The following PCDH17 variants were observed in gnomAD, a reference collection of about 807,000 sequenced individuals.
The protein encoded by PCDH17 is protocadherin-17.
A neutral mutation model predicts 67.7 loss-of-function variants in PCDH17; 21 were observed. That is an observed-to-expected ratio of 0.31 (90% CI 0.22 to 0.45). The LOEUF (loss-of-function observed/expected upper bound fraction) is 0.45, where lower values mean the gene tolerates loss of function less well. PCDH17 is among the 20% of genes least tolerant of loss of function. The probability of loss-of-function intolerance (pLI) is 1.00; values close to 1 mark genes in which losing one functional copy is unlikely to be tolerated. For synonymous variants in PCDH17, 701 were observed against 656.7 expected (o/e 1.07, Z -1.03); for missense variants, 1,471 against 1,564.8 (o/e 0.94, Z 1.01).
rs1435856438 is a variant in PCDH17, at chr13:57,727,074, G to GA, written c.*1783dup. ...CAAACTTACTTCCATATGAGGCTAA[G>GA]AAACCTCAAATTTCAGGAATTGGGA... is the stretch of plus-strand genomic sequence containing the variant. On this transcript the variant is annotated 3_prime_UTR_variant, in exon 4 of 4. Transcript: ENST00000377918. 3 of 152,550 alleles carry GA rather than the reference G, an allele frequency of 2.0e-5. No homozygotes were observed. Among genetic ancestry groups the GA allele is most frequent in the African/African-American group, 7.2e-5 (3 of 41,438 alleles). 9.4% of individuals were successfully genotyped at this position (152,550 alleles called of 1,614,324 possible).
At chr13:57,709,439 GTTTTCATCTCATCTAAACT>G (rs1955754500) in intron 3 of PCDH17, among the ~76,000 whole-genome samples, 1 of 151,516 alleles carries the variant, frequency 6.6e-6, no homozygotes, top group South Asian at 2.1e-4. Context: ...ACTTTGCACT[GTTTTCATCTCATCTAAACT>G]TAAATACCCC....
At chr13:57,717,536 G>A (rs1955829645) in intron 3 of PCDH17, among the ~76,000 whole-genome samples, 1 of 151,898 alleles carries the variant, frequency 6.6e-6, no homozygotes, top group Non-Finnish European at 1.5e-5. Context: ...AACAGTAAGT[G>A]CAAATGCTCC....
In PCDH17 at chr13:57,634,848, A is replaced by G; in HGVS notation, c.2302A>G (p.Met768Val). ...KKKKINKNDI[M>V]LVQSEVEERN... ...GAAGAAGATCAACAAAAATGATATC[A>G]TGCTGGTGCAGAGCGAAGTGGAGGA... is the stretch of plus-strand genomic sequence containing the variant. The change falls in exon 1 of 4, where the codon ATG (methionine) becomes GTG (valine). Residue 768 changes from methionine to valine, a missense_variant. This residue lies in a region of PCDH17 where 1,163 missense variants were observed against 1,230.0 expected (regional missense o/e 0.95). Coordinates refer to ENST00000377918, the MANE Select transcript of PCDH17 (RefSeq NM_001040429.3). This position sits in a 1 kb window ranked among gnomAD's most constrained non-coding sequence, Gnocchi z 7.8. 6.2e-7 allele frequency: 1 copy of G among 1,614,110 alleles called. No individual in the cohort carries two copies. The highest frequency in any genetic ancestry group is 1.1e-5 in the South Asian group (1 of 91,080).
intron 1 of PCDH17, among the ~76,000 whole-genome samples, chr13:57,651,425 G>C (rs1222251442): frequency 7.2e-6 from 1 of 138,650 alleles, no homozygotes; most frequent in African/African-American, 2.7e-5. Flanking sequence ...GCAGTGGCAC[G>C]ATCTCGGCTC....
In PCDH17 at chr13:57,632,291, G is replaced by T. The variant is rs965324779; in HGVS notation, c.-256G>T. 10 of 539,168 alleles carry T rather than the reference G, an allele frequency of 1.9e-5. No homozygotes were observed. Among genetic ancestry groups the T allele is most frequent in the Non-Finnish European group, 3.3e-5 (10 of 306,724 alleles). The allele number at this position is 539,168 out of a possible 1,614,324, so 33.4% of individuals were successfully genotyped here. A position where few individuals can be genotyped will look rare whatever the true frequency, so the allele number is the denominator to read the frequency against. On this transcript the variant is annotated 5_prime_UTR_variant, in exon 1 of 4. Transcript: ENST00000377918. ...CCCAGCCGCAGGAAGCCACCGCCTTGCTCCAAGCCCCTGCAGCTCTGCTGC... is the reference window on the plus strand; with the variant it reads ...CCCAGCCGCAGGAAGCCACCGCCTTTCTCCAAGCCCCTGCAGCTCTGCTGC...
At chr13:57,696,393 T>G (rs886614156) in intron 3 of PCDH17, among the ~76,000 whole-genome samples, 4 of 151,390 alleles carry the variant, frequency 2.6e-5, no homozygotes, top group African/African-American at 4.8e-5. Flanking sequence ...TTAATTATGT[T>G]TTATTCCCAA....
chr13:57,632,188 C>A lies in PCDH17; in HGVS notation c.-359C>A, dbSNP rs1004451021. 3.0e-6 allele frequency: 1 copy of A among 333,540 alleles called. No individual in the cohort carries two copies. The highest frequency in any genetic ancestry group is 2.2e-5 in the African/African-American group (1 of 46,364). 20.7% of individuals were successfully genotyped at this position (333,540 alleles called of 1,614,324 possible). A position where few individuals can be genotyped will look rare whatever the true frequency, so the allele number is the denominator to read the frequency against. On this transcript the variant is annotated 5_prime_UTR_variant, in exon 1 of 4. Transcript: ENST00000377918. The stretch of plus-strand genomic sequence containing the variant: ...TTATCATCTCTCCCAGACGAGATTT[C>A]CTTCTTATCGCCTGCCTCATCGCTC...
chr13:57,716,537 G>A (rs1027006873), intron 3 of PCDH17, among the ~76,000 whole-genome samples: 7 of 151,728 alleles, frequency 4.6e-5, no homozygotes, highest in Admixed American at 4.6e-4. Flanking sequence ...ATCAGCCTTT[G>A]AATCACAGAT....
intron 3 of PCDH17, among the ~76,000 whole-genome samples, chr13:57,712,651 CA>C (rs575432186): frequency 2.7e-5 from 4 of 150,730 alleles, no homozygotes; most frequent in East Asian, 2.0e-4. Flanking sequence ...TTGGTAGCAA[CA>C]AAAAAATCAC....
intron 3 of PCDH17, among the ~76,000 whole-genome samples, chr13:57,700,119 A>G (rs1174009468): frequency 6.6e-6 from 1 of 152,172 alleles, no homozygotes; most frequent in African/African-American, 2.4e-5. Context: ...ACAAAGAAAT[A>G]TAAAAAGAAA....
intron 1 of PCDH17, among the ~76,000 whole-genome samples, chr13:57,655,038 C>G (rs990472878): frequency 1.6e-4 from 24 of 151,812 alleles, no homozygotes; most frequent in African/African-American, 4.8e-4. Flanking sequence ...AATATGTTGG[C>G]TGATTAGCTA....
In PCDH17 at chr13:57,633,559, C is replaced by G. The variant is rs1465871825; in HGVS notation, c.1013C>G (p.Thr338Arg). 1 of 1,613,730 alleles carries G rather than the reference C, an allele frequency of 6.2e-7. No homozygotes were observed. Among genetic ancestry groups the G allele is most frequent in the East Asian group, 2.2e-5 (1 of 44,850 alleles). The change falls in exon 1 of 4, where the codon ACG becomes AGG. Residue 338 changes from threonine (T) to arginine (R), a missense_variant. Thr to Arg is a moderately conservative substitution (Grantham distance 71). Transcript: ENST00000377918. The surrounding 1 kb of genome is among the most constrained non-coding windows in gnomAD (Gnocchi z 6.2). ...PNPIPAHCKV[T>R]VKLIDRNDNA... Reference sequence around the variant, plus strand: ...CCTATCCCAGCCCACTGCAAAGTCACGGTCAAGCTCATCGACCGCAACGAC... The same window carrying G: ...CCTATCCCAGCCCACTGCAAAGTCAGGGTCAAGCTCATCGACCGCAACGAC...
chr13:57,665,751 A>T (rs909716636), intron 1 of PCDH17, among the ~76,000 whole-genome samples: 1 of 152,206 alleles, frequency 6.6e-6, no homozygotes, highest in African/African-American at 2.4e-5. Flanking sequence ...GAAGCAGTAA[A>T]AACAACCGCA....
upstream of PCDH17, among the ~76,000 whole-genome samples, chr13:57,631,038 A>G (rs1011704105): frequency 6.6e-6 from 1 of 152,056 alleles, no homozygotes; most frequent in Non-Finnish European, 1.5e-5. Context: ...GCCCTCCCTG[A>G]GTCGCCCAGA....
At chr13:57,679,655 T>C (rs1391876053) in intron 3 of PCDH17, among the ~76,000 whole-genome samples, 1 of 151,542 alleles carries the variant, frequency 6.6e-6, no homozygotes, top group Non-Finnish European at 1.5e-5. Context: ...AAGATGAAAT[T>C]GTTTTGTTTT....
At chr13:57,704,524 C>A (rs556423870) in intron 3 of PCDH17, among the ~76,000 whole-genome samples, 11 of 150,900 alleles carry the variant, frequency 7.3e-5, no homozygotes, top group Non-Finnish European at 1.3e-4. Flanking sequence ...AATAGCTATT[C>A]CCTATTGTAA....
intron 3 of PCDH17, among the ~76,000 whole-genome samples, chr13:57,704,569 AAAAAAAAC>A (rs999449085): frequency 1.3e-5 from 2 of 151,740 alleles, no homozygotes; most frequent in African/African-American, 4.8e-5. Flanking sequence ...CTATCCAAAA[AAAAAAAAC>A]AAAAAAACTA....
chr13:57,717,860 T>G (rs899425989), intron 3 of PCDH17, among the ~76,000 whole-genome samples: 1 of 152,046 alleles, frequency 6.6e-6, no homozygotes, highest in East Asian at 1.9e-4. Flanking sequence ...GTTTTATTAC[T>G]TGAGATATAT....
rs753452345 is a variant in PCDH17, at chr13:57,633,611, C to G, written c.1065C>G (p.Ser355=). ...NDNAPSIGFV[S]VRQGALSEAA... ...ATGCGCCGTCCATCGGTTTCGTCTC[C>G]GTGCGCCAGGGGGCGCTGAGCGAGG... Residue 355 remains serine, a synonymous_variant, in exon 1 of 4, where the codon TCC becomes TCG. Transcript: ENST00000377918. This position sits in a 1 kb window ranked among gnomAD's most constrained non-coding sequence, Gnocchi z 6.2. 4 of 1,611,886 alleles carry G rather than the reference C, an allele frequency of 2.5e-6. No individual in the cohort carries two copies. The African/African-American group carries it at 5.3e-5, about 22-fold the overall frequency.
Sources: gnomAD v4.1 joint callset for allele counts (sites outside exome capture counted in the v4.1 genomes callset) on GRCh38, gnomAD v4.1.1 for gene constraint, gnomAD v4.1.1 regional missense constraint, Gnocchi (gnomAD v3.1) non-coding constraint, MANE v1.5 for transcripts, NCBI Gene and HGNC (gene_info 2026-07-23, HGNC 2026-07-21) for gene names.